The following MEI4 variants were observed in gnomAD, a reference collection of about 807,000 sequenced individuals.
MEI4 encodes meiotic double-stranded break formation protein 4, also known as meiosis-specific protein MEI4.
In MEI4, 27 loss-of-function variants were observed where a neutral mutation model predicts 31.4. The ratio of observed to expected loss-of-function variants is 0.86; its 90% CI spans 0.63 to 1.19. The LOEUF is 1.19. MEI4 is among the 50% of genes most tolerant of loss of function. The probability of loss-of-function intolerance (pLI) is 0.00; values close to 1 mark genes in which losing one functional copy is unlikely to be tolerated. For missense variants in MEI4, 329 were observed against 398.9 expected (o/e 0.82, Z 1.49); for synonymous variants, 122 against 145.4 (o/e 0.84, Z 1.16).
chr6:77,732,063 A>G (rs1280182063), intron 2 of MEI4, among the ~76,000 whole-genome samples: 2 of 150,248 alleles, frequency 1.3e-5, no homozygotes, highest in Admixed American at 1.3e-4. Flanking sequence ...AGGTAGTGTG[A>G]TGCCTCCAGC....
chr6:77,685,019 G>A (rs924178763), intron 1 of MEI4, among the ~76,000 whole-genome samples: 3 of 152,004 alleles, frequency 2.0e-5, no homozygotes, highest in Non-Finnish European at 4.4e-5. Flanking sequence ...AGTTGTTATT[G>A]CCTGTCTTTT....
chr6:77,893,210 A>G (rs1186830280), intron 4 of MEI4, among the ~76,000 whole-genome samples: 1 of 152,164 alleles, frequency 6.6e-6, no homozygotes, highest in Non-Finnish European at 1.5e-5. Context: ...TTTGTAGAGA[A>G]GGTGAGTGCC....
chr6:77,923,241 T>G lies in MEI4; in HGVS notation c.1053T>G (p.Asp351Glu). ...TCAAGAAATTTCTTCAGAAGCATGATGAAACTATTTTCCAACTTTCTGATG... is the reference window on the plus strand; with the variant it reads ...TCAAGAAATTTCTTCAGAAGCATGAGGAAACTATTTTCCAACTTTCTGATG... ...QEIKKFLQKH[D>E]ETIFQLSDAF... The change falls in exon 5 of 5, where the codon GAT becomes GAG. Residue 351 changes from aspartate (D) to glutamate (E), a missense_variant. By Grantham distance (45) the Asp-to-Glu change is conservative. Transcript: ENST00000684080. The G allele has an allele frequency of 8.1e-7, 1 of 1,230,536 alleles. No individual in the cohort carries two copies. The highest frequency in any genetic ancestry group is 3.1e-4 in the Middle Eastern group (1 of 3,196). The allele number at this position is 1,230,536 out of a possible 1,614,324, so 76.2% of individuals were successfully genotyped here. A position where few individuals can be genotyped will look rare whatever the true frequency, so the allele number is the denominator to read the frequency against.
At chr6:77,734,481 AT>A (rs1419840746) in intron 2 of MEI4, among the ~76,000 whole-genome samples, 1 of 151,344 alleles carries the variant, frequency 6.6e-6, no homozygotes, top group Non-Finnish European at 1.5e-5. Flanking sequence ...TTTGTTTTCC[AT>A]TTGCTTGGTA....
At chr6:77,747,940 C>T (rs1470340437) in intron 2 of MEI4, among the ~76,000 whole-genome samples, 1 of 152,220 alleles carries the variant, frequency 6.6e-6, no homozygotes, top group African/African-American at 2.4e-5. Flanking sequence ...AAGGGGGCTA[C>T]AGGCCCCATG....
intron 2 of MEI4, among the ~76,000 whole-genome samples, chr6:77,712,799 G>A (rs969389483): frequency 4.0e-5 from 6 of 151,850 alleles, no homozygotes; most frequent in South Asian, 4.2e-4. Flanking sequence ...GTGAAACCCC[G>A]TCTCTACTAA....
At chr6:77,861,241 C>A (rs1297663100) in intron 4 of MEI4, among the ~76,000 whole-genome samples, 4 of 152,158 alleles carry the variant, frequency 2.6e-5, no homozygotes, top group African/African-American at 4.8e-5. Context: ...TACAAAAGTA[C>A]TGGTGATCTT....
At chr6:77,755,355 A>G (rs553880763) in intron 2 of MEI4, among the ~76,000 whole-genome samples, 7 of 152,298 alleles carry the variant, frequency 4.6e-5, no homozygotes, top group East Asian at 1.9e-4. Flanking sequence ...TATAAAGTCT[A>G]TGGGATCCAG....
chr6:77,852,558 TTTTG>T (rs1770650031), intron 4 of MEI4, among the ~76,000 whole-genome samples: 2 of 142,774 alleles, frequency 1.4e-5, no homozygotes, highest in South Asian at 2.2e-4. Context: ...TTTTTACTTT[TTTTG>T]TTTTTGTTTT....
At position 77,709,846 on chromosome 6, in the gene MEI4, G is replaced by A. The variant is rs888064219; in HGVS notation, c.232+18943G>A. On this transcript the variant is annotated intron_variant, in intron 2 of 4. Transcript: ENST00000684080. ...TAACTCCAAAGTTACTTCTACCTGT[G>A]TATTTTTAGGGAGTGTTTATTCTCA... 2.6e-5 allele frequency among the ~76,000 whole-genome samples: 4 copies of A among 152,164 alleles called. No individual in the cohort carries two copies. In the East Asian group the frequency reaches 7.7e-4, roughly 29 times the overall value.
chr6:77,747,327 G>C (rs545473424), intron 2 of MEI4, among the ~76,000 whole-genome samples: 1 of 151,530 alleles, frequency 6.6e-6, no homozygotes, highest in Non-Finnish European at 1.5e-5. Context: ...TAAAAAAAAA[G>C]AAAAAGAGAA....
At chr6:77,700,305 TCC>T (rs1554151764) in intron 2 of MEI4, among the ~76,000 whole-genome samples, 1 of 152,026 alleles carries the variant, frequency 6.6e-6, no homozygotes, top group Non-Finnish European at 1.5e-5. Context: ...CAGGTGCCCC[TCC>T]CCCAGCCTCA....
At chr6:77,750,435 G>A (rs965793103) in intron 2 of MEI4, among the ~76,000 whole-genome samples, 20 of 152,078 alleles carry the variant, frequency 1.3e-4, no homozygotes, top group African/African-American at 4.3e-4. Context: ...TATTTACCAC[G>A]CAAATGGAAA....
intron 4 of MEI4, among the ~76,000 whole-genome samples, chr6:77,873,055 C>T (rs566892786): frequency 6.6e-6 from 1 of 151,898 alleles, no homozygotes; most frequent in African/African-American, 2.4e-5. Context: ...GTGCATGTGT[C>T]TTTATAGCAG....
intron 4 of MEI4, among the ~76,000 whole-genome samples, chr6:77,888,736 A>C (rs2127731298): frequency 6.6e-6 from 1 of 152,188 alleles, no homozygotes; most frequent in Non-Finnish European, 1.5e-5. Flanking sequence ...ATGAGATTTG[A>C]TACTAATATG....
intron 2 of MEI4, among the ~76,000 whole-genome samples, chr6:77,700,831 G>T (rs1477176992): frequency 6.6e-6 from 1 of 152,040 alleles, no homozygotes; most frequent in African/African-American, 2.4e-5. Context: ...CCTCTTTATT[G>T]TATTTAGTAG....
rs574196588 is a variant in MEI4 at position 77,698,232 on chromosome 6, C to T, written c.232+7329C>T. ...TGACTTCTTTATCCAATTTGCCAGT[C>T]TGTGTCTTTTAATTGGAGCAGTTAG... On this transcript the variant is annotated intron_variant, in intron 2 of 4. Coordinates refer to ENST00000684080, the MANE Select transcript of MEI4 (RefSeq NM_001322247.2). Among the ~76,000 whole-genome samples, 3 of 152,234 alleles carry T rather than the reference C, an allele frequency of 2.0e-5. No individual in the cohort carries two copies. In the East Asian group the frequency reaches 5.8e-4, roughly 29 times the overall value.
intron 1 of MEI4, among the ~76,000 whole-genome samples, chr6:77,685,312 CTTTT>C (rs56264627): frequency 3.9e-5 from 5 of 128,180 alleles, no homozygotes; most frequent in Admixed American, 7.8e-5. Flanking sequence ...TGTCCCTTCA[CTTTT>C]TTTTTTTTTT....
chr6:77,777,640 C>T (rs1281572720), intron 3 of MEI4, among the ~76,000 whole-genome samples: 4 of 152,080 alleles, frequency 2.6e-5, no homozygotes, highest in Non-Finnish European at 1.5e-5. Context: ...ACCCACGAAC[C>T]AAGAGCTTCT....
Sources: allele counts gnomAD v4.1 joint callset (sites outside exome capture counted in the v4.1 genomes callset), GRCh38; gene constraint gnomAD v4.1.1; transcripts MANE v1.5; gene names NCBI Gene and HGNC (gene_info 2026-07-23, HGNC 2026-07-21).